The following C1orf146 variants were observed in gnomAD, a reference collection of about 807,000 sequenced individuals.
C1orf146 encodes the protein protein SPO16 homolog.
A neutral mutation model predicts 23.0 loss-of-function variants in C1orf146; 22 were observed. The ratio of observed to expected loss-of-function variants is 0.96; its 90% CI spans 0.68 to 1.36. The LOEUF (loss-of-function observed/expected upper bound fraction) is 1.36. Ranked by LOEUF, C1orf146 falls within the 40% of genes most tolerant of loss-of-function variation. The pLI is 0.00. For synonymous variants in C1orf146, 59 were observed against 65.3 expected (o/e 0.90, Z 0.47); for missense variants, 199 against 206.8 (o/e 0.96, Z 0.23).
At chr1:92,229,457 T>C in intron 1 of C1orf146, 1 of 500,776 alleles carries the variant, frequency 2.0e-6, no homozygotes, top group East Asian at 5.2e-5. Context: ...CAGCTGTAGC[T>C]GTTCTTTGTA....
intron 1 of C1orf146, among the ~76,000 whole-genome samples, chr1:92,226,029 A>C (rs1368863469): frequency 6.6e-6 from 1 of 152,176 alleles, no homozygotes; most frequent in Non-Finnish European, 1.5e-5. Context: ...TTGAGATATA[A>C]GTCATGTGAC....
At position 92,245,626 on chromosome 1, in the gene C1orf146, AAC is replaced by A. The variant is rs962040621; in HGVS notation, c.498_499del (p.Leu167SerfsTer7). 7 of 1,600,102 alleles carry A rather than the reference AAC, an allele frequency of 4.4e-6. No homozygotes were observed. Among genetic ancestry groups the A allele is most frequent in the African/African-American group, 4.0e-5 (3 of 74,314 alleles). On this transcript the variant is annotated frameshift_variant, in exon 6 of 6. Transcript: ENST00000370375. LOFTEE classifies it high-confidence loss of function. ...TCATTGAGCAAAGTCCTGTTTGGAAAACACTTCAGAAGATAAAACTGAATAGT... is the reference window on the plus strand; with the variant it reads ...TCATTGAGCAAAGTCCTGTTTGGAAAACTTCAGAAGATAAAACTGAATAGT... ...YIIEQSPVWKTLQKIKLNSDS... is the reference protein window; with the variant it reads ...YIIEQSPVWKXLQKIKLNSDS...
intron 4 of C1orf146, among the ~76,000 whole-genome samples, 184 bp from the exon 5 acceptor site, chr1:92,244,595 G>T (rs1282067873): frequency 6.6e-6 from 1 of 152,192 alleles, no homozygotes; most frequent in East Asian, 1.9e-4. Flanking sequence ...CAAGCCAAAA[G>T]TGAACACTTT....
At chr1:92,241,926 C>A (rs577009475) in intron 2 of C1orf146, among the ~76,000 whole-genome samples, 2 of 152,288 alleles carry the variant, frequency 1.3e-5, no homozygotes, top group African/African-American at 4.8e-5. Flanking sequence ...TTTGCATTTG[C>A]TCTGGTTTAT....
chr1:92,220,482 G>A (rs1423608034), intron 1 of C1orf146, among the ~76,000 whole-genome samples: 1 of 152,048 alleles, frequency 6.6e-6, no homozygotes, highest in Non-Finnish European at 1.5e-5. Context: ...AGGCTATATG[G>A]TATAGCCTAT....
chr1:92,221,337 G>A (rs997029847), intron 1 of C1orf146, among the ~76,000 whole-genome samples: 1 of 152,146 alleles, frequency 6.6e-6, no homozygotes, highest in African/African-American at 2.4e-5. Context: ...CTAGAGGGGA[G>A]AGGGAGGAAG....
At chr1:92,227,313 C>T (rs1000494490) in intron 1 of C1orf146, among the ~76,000 whole-genome samples, 3 of 151,960 alleles carry the variant, frequency 2.0e-5, no homozygotes, top group East Asian at 1.9e-4. Flanking sequence ...GAGGCCGAGG[C>T]GGGCGGATCA....
intron 1 of C1orf146, among the ~76,000 whole-genome samples, chr1:92,223,198 C>T (rs748302253): frequency 5.9e-5 from 9 of 152,158 alleles, no homozygotes; most frequent in Non-Finnish European, 1.2e-4. Flanking sequence ...GGCTGGATAT[C>T]ATGGTAAGTA....
At position 92,244,784 on chromosome 1, in the gene C1orf146, T is replaced by A; in HGVS notation, c.335T>A (p.Leu112Gln). Residue 112 changes from leucine to glutamine, a missense_variant, in exon 5 of 6, where the codon CTG becomes CAG. By Grantham distance (113) the Leu-to-Gln change is moderately radical (BLOSUM62 -2). Transcript: ENST00000370375. The stretch of plus-strand genomic sequence containing the variant: ...TAACATGAATTGTTTTTCAGATTCC[T>A]GGGTTGTAACTTACGAATACTTCCA... Reference protein sequence around the residue: ...KLMFRIQQRFLGCNLRILPVH... With the variant: ...KLMFRIQQRFQGCNLRILPVH... The A allele has an allele frequency of 6.3e-7, 1 of 1,598,734 alleles. No homozygotes were observed. The highest frequency in any genetic ancestry group is 8.6e-7 in the Non-Finnish European group (1 of 1,166,650).
In C1orf146 at chr1:92,233,010, C is replaced by T. The variant is rs544815030; in HGVS notation, c.66+1524C>T. 4.6e-4 allele frequency among the ~76,000 whole-genome samples: 70 copies of T among 151,932 alleles called. 1 individual carries two copies. The highest frequency in any genetic ancestry group is 1.6e-3 in the African/African-American group (67 of 41,462). On this transcript the variant is annotated intron_variant, in intron 2 of 5. Coordinates refer to ENST00000370375, the MANE Select transcript of C1orf146 (RefSeq NM_001012425.2). Reference sequence around the variant, plus strand: ...GTTCATTGTAGATTCTGGATATTAGCCCTTTGTCAGATGAGTAGGTTGTGA... The same window carrying T: ...GTTCATTGTAGATTCTGGATATTAGTCCTTTGTCAGATGAGTAGGTTGTGA...
chr1:92,242,002 C>T (rs1278465148), intron 2 of C1orf146, among the ~76,000 whole-genome samples: 1 of 152,160 alleles, frequency 6.6e-6, no homozygotes, highest in African/African-American at 2.4e-5. Flanking sequence ...GTAACTCACT[C>T]CCAAACTTGA....
chr1:92,244,733 G>T, intron 4 of C1orf146, 46 bp from the exon 5 acceptor site: 1 of 1,207,686 alleles, frequency 8.3e-7, no homozygotes, highest in South Asian at 1.3e-5. Context: ...TAAGAGAACA[G>T]ATGTCAGCAA....
chr1:92,236,834 C>T (rs1206126862), intron 2 of C1orf146, among the ~76,000 whole-genome samples: 1 of 152,140 alleles, frequency 6.6e-6, no homozygotes, highest in Admixed American at 6.6e-5. Flanking sequence ...CTCTAAACTT[C>T]CCTTCTCGCT....
intron 1 of C1orf146, chr1:92,229,057 ACTCCTG>A (rs1413199919): frequency 2.0e-5 from 10 of 488,926 alleles, no homozygotes; most frequent in East Asian, 4.9e-5. Flanking sequence ...AACTTGTCAT[ACTCCTG>A]CTTGCTAGTG....
At chr1:92,229,728 G>C (rs991739755) in intron 1 of C1orf146, among the ~76,000 whole-genome samples, 4 of 152,056 alleles carry the variant, frequency 2.6e-5, no homozygotes, top group African/African-American at 9.7e-5. Context: ...CCCTAAAGAA[G>C]GGGGGGTGGC....
chr1:92,229,529 TA>T, intron 1 of C1orf146: 1 of 404,714 alleles, frequency 2.5e-6, no homozygotes. Flanking sequence ...GAAGTTTGGC[TA>T]ACTTTTCTTG....
intron 2 of C1orf146, among the ~76,000 whole-genome samples, chr1:92,233,991 C>T (rs1570793113): frequency 1.3e-5 from 2 of 152,176 alleles, no homozygotes; most frequent in African/African-American, 4.8e-5. Flanking sequence ...AGTTGCTTAT[C>T]AGCTTAAGGA....
intron 1 of C1orf146, among the ~76,000 whole-genome samples, chr1:92,221,884 A>G (rs1211998539): frequency 5.9e-5 from 9 of 152,196 alleles, no homozygotes; most frequent in African/African-American, 2.2e-4. Context: ...TTCTGACACA[A>G]CAGAATTTGC....
intron 1 of C1orf146, among the ~76,000 whole-genome samples, chr1:92,222,516 T>TC (rs1651848492): frequency 1.3e-5 from 2 of 148,188 alleles, no homozygotes; most frequent in Non-Finnish European, 3.0e-5. Flanking sequence ...CCACTTTTTT[T>TC]CCCATTATCC....
Sources: gnomAD v4.1 joint callset for allele counts (sites outside exome capture counted in the v4.1 genomes callset) on GRCh38, gnomAD v4.1.1 for gene constraint, MANE v1.5 for transcripts, NCBI Gene and HGNC (gene_info 2026-07-23, HGNC 2026-07-21) for gene names.